CCDC88C: variants seen among roughly 807,000 people sequenced by gnomAD.
The protein encoded by CCDC88C is coiled-coil and HOOK domain protein 88C, also known as protein Daple.
In CCDC88C, 131 loss-of-function variants were observed where a neutral mutation model predicts 198.8. The ratio of observed to expected loss-of-function variants is 0.66; its 90% CI spans 0.57 to 0.76. The LOEUF (loss-of-function observed/expected upper bound fraction) is 0.76, where lower values mean the gene tolerates loss of function less well. CCDC88C is among the 30% of genes least tolerant of loss of function. The pLI, the probability that CCDC88C is intolerant of heterozygous loss-of-function variation, is 0.00. For synonymous variants in CCDC88C, 1,166 were observed against 1,114.7 expected (o/e 1.05, Z -0.92); for missense variants, 2,553 against 2,631.6 (o/e 0.97, Z 0.65).
chr14:91,385,891 AG>A (rs1885102292), intron 3 of CCDC88C, among the ~76,000 whole-genome samples: 1 of 152,094 alleles, frequency 6.6e-6, no homozygotes, highest in East Asian at 1.9e-4. Flanking sequence ...TCCACCTCCT[AG>A]GAGAACTGTC....
In CCDC88C at chr14:91,303,973, C is replaced by G. The variant is rs770436914; in HGVS notation, c.3363G>C (p.Glu1121Asp). The G allele has an allele frequency of 6.3e-7, 1 of 1,598,332 alleles. No individual in the cohort carries two copies. ...LQTQTAKLQV[E>D]NSTLSSQSAA... ...CGCTCTGGGAACTCAGCGTGGAGTTCTCCACCTGCCGAGAGGGAGAAGCGC... is the reference window on the plus strand; with the variant it reads ...CGCTCTGGGAACTCAGCGTGGAGTTGTCCACCTGCCGAGAGGGAGAAGCGC... The change falls in exon 20 of 30, where the codon GAG (glutamate) becomes GAC (aspartate). Residue 1121 changes from glutamate to aspartate, a missense_variant. By Grantham distance (45) the Glu-to-Asp change is conservative. Transcript: ENST00000389857.
chr14:91,282,970 C>T (rs1890258154), intron 26 of CCDC88C, among the ~76,000 whole-genome samples: 1 of 152,206 alleles, frequency 6.6e-6, no homozygotes, highest in Non-Finnish European at 1.5e-5. Context: ...AAAAAAACCC[C>T]AAACTTTTAC....
At chr14:91,379,393 T>C (rs1306505598) in intron 3 of CCDC88C, 1 of 160,756 alleles carries the variant, frequency 6.2e-6, no homozygotes, top group East Asian at 1.8e-4. Flanking sequence ...CACATCAAGA[T>C]GGACACCTCC....
chr14:91,337,986 T>C lies in CCDC88C; in HGVS notation c.1050+19A>G. On this transcript the variant is annotated intron_variant, in intron 10 of 29. Coordinates refer to ENST00000389857, the MANE Select transcript of CCDC88C (RefSeq NM_001080414.4). ...TTTCCAGCAGCCCCATCCAGGGGCCTCACAGCAAGGCTCCCTACCTCCATG... is the reference window on the plus strand; with the variant it reads ...TTTCCAGCAGCCCCATCCAGGGGCCCCACAGCAAGGCTCCCTACCTCCATG... 2.5e-6 allele frequency: 4 copies of C among 1,607,546 alleles called. No homozygotes were observed. Among genetic ancestry groups the C allele is most frequent in the Non-Finnish European group, 3.4e-6 (4 of 1,179,770 alleles).
rs530528784 is a variant in CCDC88C at position 91,396,470 on chromosome 14, G to A, written c.270+12189C>T. Among the ~76,000 whole-genome samples the A allele has an allele frequency of 1.8e-4, 28 of 152,142 alleles. No homozygotes were observed. The South Asian group carries it at 3.3e-3, about 18-fold the overall frequency. ...GTGTTTCCAACCTTCATTCACGCCCGCATCACTCGATTCCCACAACACTCA... is the reference window on the plus strand; with the variant it reads ...GTGTTTCCAACCTTCATTCACGCCCACATCACTCGATTCCCACAACACTCA... On this transcript the variant is annotated intron_variant, in intron 3 of 29. Transcript: ENST00000389857.
Position 91,279,813 on chromosome 14 carries a change from CAG to C in CCDC88C, c.4700-509_4700-508del, listed in dbSNP as rs2139722514. ...TGAAGGTGTCACGTCAGGGGACCCA[CAG>C]GGAGCAGGTGCCAGGGGCCTGGGAA... is the stretch of plus-strand genomic sequence containing the variant. On this transcript the variant is annotated intron_variant, in intron 27 of 29. Coordinates refer to ENST00000389857, the MANE Select transcript of CCDC88C (RefSeq NM_001080414.4). 2.0e-5 allele frequency: 3 copies of C among 152,528 alleles called. No individual in the cohort carries two copies. In the South Asian group the frequency reaches 6.2e-4, roughly 32 times the overall value. 9.4% of individuals were successfully genotyped at this position (152,528 alleles called of 1,614,324 possible).
At chr14:91,368,619 C>T (rs1236382307) in intron 3 of CCDC88C, among the ~76,000 whole-genome samples, 3 of 152,190 alleles carry the variant, frequency 2.0e-5, no homozygotes, top group African/African-American at 4.8e-5. Context: ...GGAGGGGTGT[C>T]GAAACCCTGC....
intron 3 of CCDC88C, among the ~76,000 whole-genome samples, chr14:91,407,314 G>A (rs1265586166): frequency 1.3e-5 from 2 of 152,212 alleles, no homozygotes; most frequent in Non-Finnish European, 2.9e-5. Flanking sequence ...CACTGCACAA[G>A]GGCAGAAGGG....
In CCDC88C at chr14:91,313,436, C is replaced by A. The variant is rs1259021017; in HGVS notation, c.2380G>T (p.Ala794Ser). 1 of 1,607,396 alleles carries A rather than the reference C, an allele frequency of 6.2e-7. No individual in the cohort carries two copies. The highest frequency in any genetic ancestry group is 8.5e-7 in the Non-Finnish European group (1 of 1,179,680). ...TLESELGELE[A>S]ERQALRRDLE... ...TCCCGCCGCAGCGCCTGGCGCTCAG[C>A]CTCCAGCTCGCCCAGCTCACTCTCC... Residue 794 changes from alanine to serine, a missense_variant, in exon 15 of 30, where the codon GCT becomes TCT. Physicochemically the swap from Ala to Ser is moderately conservative, Grantham distance 99 (BLOSUM62 1). Around this residue, in one of 2 missense-constraint regions of CCDC88C, gnomAD observed 1,260 missense variants for 1,412.0 expected, o/e 0.89. Coordinates refer to ENST00000389857, the MANE Select transcript of CCDC88C (RefSeq NM_001080414.4). This position sits in a 1 kb window ranked among gnomAD's most constrained non-coding sequence, Gnocchi z 5.2.
rs1157995473 is a variant in CCDC88C at position 91,281,543 on chromosome 14, C to T, written c.4631-18G>A. The T allele has an allele frequency of 2.5e-6, 4 of 1,612,744 alleles. No individual in the cohort carries two copies. Among genetic ancestry groups the T allele is most frequent in the Non-Finnish European group, 3.4e-6 (4 of 1,179,050 alleles). ...GTTATAGCCTAAGGTGAAAATAAGGCTAGTGAGTCATGGTTACGGAACATG... is the reference window on the plus strand; with the variant it reads ...GTTATAGCCTAAGGTGAAAATAAGGTTAGTGAGTCATGGTTACGGAACATG... On this transcript the variant is annotated intron_variant, in intron 26 of 29. Coordinates refer to ENST00000389857, the MANE Select transcript of CCDC88C (RefSeq NM_001080414.4).
At position 91,309,907 on chromosome 14, in the gene CCDC88C, C is replaced by A; in HGVS notation, c.2816G>T (p.Gly939Val). ...CTGCAACAGCAGCTCCCTGTTGAGG[C>A]CGACCTTCTCCAGTTCCTGGCTCAG... Reference protein sequence around the residue: ...DKLSQELEKVGLNRELLLQED... With the variant: ...DKLSQELEKVVLNRELLLQED... The change falls in exon 16 of 30, where the codon GGC (glycine) becomes GTC (valine). Residue 939 changes from glycine (G) to valine (V), a missense_variant. By Grantham distance (109) the Gly-to-Val change is moderately radical. Coordinates refer to ENST00000389857, the MANE Select transcript of CCDC88C (RefSeq NM_001080414.4). The A allele has an allele frequency of 1.2e-6, 2 of 1,610,956 alleles. No individual in the cohort carries two copies. Among genetic ancestry groups the A allele is most frequent in the South Asian group, 1.1e-5 (1 of 90,264 alleles).
At chr14:91,300,133 C>T (rs1891205960) in intron 20 of CCDC88C, 63 bp from the exon 21 acceptor site, 3 of 1,562,712 alleles carry the variant, frequency 1.9e-6, no homozygotes, top group African/African-American at 1.4e-5. Flanking sequence ...AGGTAACTCA[C>T]ATCCCAGAGG....
intron 10 of CCDC88C, among the ~76,000 whole-genome samples, chr14:91,328,303 C>A (rs1311070522): frequency 6.6e-6 from 1 of 152,186 alleles, no homozygotes; most frequent in Non-Finnish European, 1.5e-5. Flanking sequence ...ATCTCGAGTG[C>A]CCTGCACACT....
chr14:91,296,337 A>T (rs950783471), intron 22 of CCDC88C, among the ~76,000 whole-genome samples: 1 of 152,228 alleles, frequency 6.6e-6, no homozygotes, highest in African/African-American at 2.4e-5. Flanking sequence ...TGCAAAGCCT[A>T]CCACACATGT....
At position 91,391,262 on chromosome 14, in the gene CCDC88C, A is replaced by C. The variant is rs143256619; in HGVS notation, c.270+17397T>G. 1.2e-3 allele frequency among the ~76,000 whole-genome samples: 190 copies of C among 152,162 alleles called. 3 individuals carry two copies. Among genetic ancestry groups the C allele is most frequent in the East Asian group, 5.6e-3 (29 of 5,190 alleles). On this transcript the variant is annotated intron_variant, in intron 3 of 29. Transcript: ENST00000389857. ...CTGCTAAAAACAAAACAAAACAAAA[A>C]AAAAAACCCACTGGGTGCCCGTTTT...
intron 23 of CCDC88C, among the ~76,000 whole-genome samples, chr14:91,293,486 C>T (rs1254165362): frequency 7.8e-6 from 1 of 127,456 alleles, no homozygotes; most frequent in African/African-American, 2.8e-5. Context: ...CACAGCTCAC[C>T]TTCCCATCCT....
intron 13 of CCDC88C, among the ~76,000 whole-genome samples, chr14:91,319,647 G>T (rs10147648): frequency 6.6e-6 from 1 of 152,282 alleles, no homozygotes; most frequent in South Asian, 2.1e-4. Context: ...ACAGTGCCCT[G>T]CTCTCTTTTT....
At chr14:91,294,131 G>GT in intron 23 of CCDC88C, 42 bp downstream of exon 23, 1 of 1,609,134 alleles carries the variant, frequency 6.2e-7, no homozygotes, top group East Asian at 2.2e-5. Flanking sequence ...ATGTGCAGCT[G>GT]TGGTGAGGGT....
At chr14:91,393,943 T>A (rs918424232) in intron 3 of CCDC88C, among the ~76,000 whole-genome samples, 1 of 152,216 alleles carries the variant, frequency 6.6e-6, no homozygotes, top group African/African-American at 2.4e-5. Flanking sequence ...AGAAGACCAA[T>A]TGAGCACAAA....
Sources: allele counts gnomAD v4.1 joint callset (sites outside exome capture counted in the v4.1 genomes callset), GRCh38; gene constraint gnomAD v4.1.1; regional missense constraint gnomAD v4.1.1; non-coding constraint Gnocchi (gnomAD v3.1); transcripts MANE v1.5; gene names NCBI Gene and HGNC (gene_info 2026-07-23, HGNC 2026-07-21).